Variants in CRMP1 observed in about 807,000 individuals in gnomAD.
The protein encoded by CRMP1 is collapsin response mediator protein 1, also known as dihydropyrimidinase-related protein 1.
Under a neutral mutation model 68.3 loss-of-function variants are expected in CRMP1, and 19 were observed. The ratio of observed to expected loss-of-function variants is 0.28; its 90% CI spans 0.19 to 0.41. The LOEUF is 0.41. Ranked by LOEUF, CRMP1 falls within the 10% of genes least tolerant of loss-of-function variation. The probability of loss-of-function intolerance (pLI) is 1.00; values close to 1 mark genes in which losing one functional copy is unlikely to be tolerated. For missense variants in CRMP1, 791 were observed against 967.4 expected (o/e 0.82, Z 2.42); for synonymous variants, 439 against 399.6 (o/e 1.10, Z -1.18).
At position 5,843,771 on chromosome 4, in the gene CRMP1, A is replaced by G. The variant is rs927688831; in HGVS notation, c.964-610T>C. 6.6e-6 allele frequency among the ~76,000 whole-genome samples: 1 copy of G among 152,136 alleles called. No homozygotes were observed. The highest frequency in any genetic ancestry group is 1.5e-5 in the Non-Finnish European group (1 of 68,026). Reference sequence around the variant, plus strand: ...GCACAAAACCTGGAGCTGAGCGAGCACACGCTCATTAATTGGCAGCCGGCT... The same window carrying G: ...GCACAAAACCTGGAGCTGAGCGAGCGCACGCTCATTAATTGGCAGCCGGCT... On this transcript the variant is annotated intron_variant, in intron 6 of 13. Transcript: ENST00000324989. This position sits in a 1 kb window ranked among gnomAD's most constrained non-coding sequence, Gnocchi z 4.1.
At chr4:5,831,825 A>G (rs558899703) in intron 11 of CRMP1, among the ~76,000 whole-genome samples, 3 of 152,350 alleles carry the variant, frequency 2.0e-5, no homozygotes, top group Admixed American at 2.0e-4. Flanking sequence ...AAAAATTTAA[A>G]CAACACAAAA....
intron 13 of CRMP1, among the ~76,000 whole-genome samples, chr4:5,822,681 T>TA (rs975836461): frequency 6.6e-6 from 1 of 152,144 alleles, no homozygotes. Flanking sequence ...GTGGGAAGGA[T>TA]AGAGTCCTTA....
chr4:5,825,250 C>T lies in CRMP1; in HGVS notation c.1969+244G>A. 3 of 985,274 alleles carry T rather than the reference C, an allele frequency of 3.0e-6. No homozygotes were observed. The highest frequency in any genetic ancestry group is 3.6e-6 in the Non-Finnish European group (3 of 829,900). The allele number at this position is 985,274 out of a possible 1,614,324, so 61.0% of individuals were successfully genotyped here. Reference sequence around the variant, plus strand: ...ATGAGCACTGGGACAATTTTGGTACCTCTCTTTGTAAACCCACATCAGGTA... The same window carrying T: ...ATGAGCACTGGGACAATTTTGGTACTTCTCTTTGTAAACCCACATCAGGTA... On this transcript the variant is annotated intron_variant, in intron 13 of 13. Transcript: ENST00000324989. This position sits in a 1 kb window ranked among gnomAD's most constrained non-coding sequence, Gnocchi z 4.4.
intron 11 of CRMP1, among the ~76,000 whole-genome samples, chr4:5,831,465 A>G (rs1321859190): frequency 6.6e-6 from 1 of 152,216 alleles, no homozygotes; most frequent in Admixed American, 6.5e-5. Context: ...CCAGGCAGAC[A>G]GTGCGTTTCC....
rs553949443 is a variant in CRMP1, at chr4:5,830,211, T to C, written c.1624-1543A>G. 1.7e-3 allele frequency among the ~76,000 whole-genome samples: 264 copies of C among 152,330 alleles called. 1 individual carries two copies. Among genetic ancestry groups the C allele is most frequent in the African/African-American group, 5.8e-3 (242 of 41,560 alleles). On this transcript the variant is annotated intron_variant, in intron 11 of 13. Coordinates refer to ENST00000324989, the MANE Select transcript of CRMP1 (RefSeq NM_001014809.3). Reference sequence around the variant, plus strand: ...GGGTCTTGGCATTCTTCTTACTGATTTCTAAAAGTACACACTCAATGTTAA... The same window carrying C: ...GGGTCTTGGCATTCTTCTTACTGATCTCTAAAAGTACACACTCAATGTTAA...
chr4:5,892,830 G>C lies in CRMP1; in HGVS notation c.140C>G (p.Thr47Ser). The C allele has an allele frequency of 1.4e-6, 2 of 1,410,950 alleles. No individual in the cohort carries two copies. Among genetic ancestry groups the C allele is most frequent in the Non-Finnish European group, 1.9e-6 (2 of 1,070,298 alleles). The allele number at this position is 1,410,950 out of a possible 1,614,324, so 87.4% of individuals were successfully genotyped here. Residue 47 changes from threonine (T) to serine (S), a missense_variant, in exon 1 of 14, where the codon ACC (threonine) becomes AGC (serine). Coordinates refer to ENST00000324989, the MANE Select transcript of CRMP1 (RefSeq NM_001014809.3). This position sits in a 1 kb window ranked among gnomAD's most constrained non-coding sequence, Gnocchi z 8.6. ...CACACTGTAGGCGTCGAAGTCGATG[G>C]TCTTGTTCTCGTAGGCGCCCTCCAC... ...AAVEGAYENK[T>S]IDFDAYSVGR...
Position 5,892,460 on chromosome 4 carries a change from C to A in CRMP1, c.381+129G>T. On this transcript the variant is annotated intron_variant, in intron 1 of 13. Transcript: ENST00000324989. The surrounding 1 kb of genome is among the most constrained non-coding windows in gnomAD (Gnocchi z 8.6). Reference sequence around the variant, plus strand: ...TGATGAGGTGGGGGAGGGGCCGCGCCGTGGCTCTCCCCAGCCTGGCGGCCG... The same window carrying A: ...TGATGAGGTGGGGGAGGGGCCGCGCAGTGGCTCTCCCCAGCCTGGCGGCCG... 3 of 949,336 alleles carry A rather than the reference C, an allele frequency of 3.2e-6. No individual in the cohort carries two copies. Among genetic ancestry groups the A allele is most frequent in the Non-Finnish European group, 4.0e-6 (3 of 758,356 alleles). The allele number at this position is 949,336 out of a possible 1,614,324, so 58.8% of individuals were successfully genotyped here.
Position 5,875,115 on chromosome 4 carries a change from T to G in CRMP1, c.382-8359A>C, listed in dbSNP as rs1330177986. On this transcript the variant is annotated intron_variant, in intron 1 of 13. Transcript: ENST00000324989. ...CGCTTTTGTTCTTTTTCACAAACAT[T>G]AAGCATTAGGTTGAGCTCTGCTTAC... Among the ~76,000 whole-genome samples the G allele has an allele frequency of 2.0e-5, 3 of 152,324 alleles. No individual in the cohort carries two copies. The East Asian group carries it at 5.8e-4, about 29-fold the overall frequency.
chr4:5,858,418 C>A lies in CRMP1; in HGVS notation c.656-2111G>T, dbSNP rs1320349510. Reference sequence around the variant, plus strand: ...ATGCAATACTCTCCCCACCCCGACCCCAGCTGTGGTGGACATCACCAACCA... The same window carrying A: ...ATGCAATACTCTCCCCACCCCGACCACAGCTGTGGTGGACATCACCAACCA... On this transcript the variant is annotated intron_variant, in intron 3 of 13. Transcript: ENST00000324989. This position sits in a 1 kb window ranked among gnomAD's most constrained non-coding sequence, Gnocchi z 5.5. 1.3e-5 allele frequency among the ~76,000 whole-genome samples: 2 copies of A among 152,052 alleles called. No homozygotes were observed. Among genetic ancestry groups the A allele is most frequent in the Non-Finnish European group, 2.9e-5 (2 of 68,020 alleles).
At chr4:5,856,982 A>G (rs1019707922) in intron 3 of CRMP1, among the ~76,000 whole-genome samples, 1 of 146,096 alleles carries the variant, frequency 6.8e-6, no homozygotes, top group African/African-American at 2.6e-5. Context: ...ACCACCATCC[A>G]CTGTTATCAC....
intron 12 of CRMP1, chr4:5,826,674 C>T (rs945016551): frequency 1.3e-5 from 2 of 152,328 alleles, no homozygotes; most frequent in Non-Finnish European, 2.9e-5. Flanking sequence ...TGGAGAACAG[C>T]ATGTGTTCAG....
intron 1 of CRMP1, among the ~76,000 whole-genome samples, chr4:5,882,191 G>A (rs1715264891): frequency 6.6e-6 from 1 of 152,024 alleles, no homozygotes; most frequent in Non-Finnish European, 1.5e-5. Context: ...CATACAACTT[G>A]CTTTGGCCAG....
chr4:5,870,396 G>A lies in CRMP1; in HGVS notation c.382-3640C>T, dbSNP rs1460673798. The stretch of plus-strand genomic sequence containing the variant: ...GCTTTGGTGTGTTACCCCACTGGCA[G>A]TGCAGGACACAACTCCCCAGGGGAC... On this transcript the variant is annotated intron_variant, in intron 1 of 13. Transcript: ENST00000324989. This position sits in a 1 kb window ranked among gnomAD's most constrained non-coding sequence, Gnocchi z 6.0. Among the ~76,000 whole-genome samples the A allele has an allele frequency of 6.6e-6, 1 of 152,262 alleles. No individual in the cohort carries two copies. The highest frequency in any genetic ancestry group is 1.5e-5 in the Non-Finnish European group (1 of 68,044).
At chr4:5,884,585 C>G (rs141180591) in intron 1 of CRMP1, among the ~76,000 whole-genome samples, 1 of 152,128 alleles carries the variant, frequency 6.6e-6, no homozygotes, top group African/African-American at 2.4e-5. Context: ...AATGAAGAAC[C>G]TTTACAAGCC....
At chr4:5,873,435 T>C (rs1408562293) in intron 1 of CRMP1, among the ~76,000 whole-genome samples, 1 of 151,594 alleles carries the variant, frequency 6.6e-6, no homozygotes, top group African/African-American at 2.4e-5. Flanking sequence ...CTGCAGGCTG[T>C]ACAGGAAGCA....
intron 9 of CRMP1, 27 bp downstream of exon 9, chr4:5,839,495 C>A (rs778046173): frequency 6.3e-7 from 1 of 1,586,744 alleles, no homozygotes; most frequent in South Asian, 1.2e-5. Flanking sequence ...GCTGCCTCCC[C>A]CAGCCCCACG....
Position 5,841,511 on chromosome 4 carries a change from G to A in CRMP1, c.1033-83C>T. 9.5e-6 allele frequency: 15 copies of A among 1,576,018 alleles called. No homozygotes were observed. The highest frequency in any genetic ancestry group is 1.3e-5 in the Non-Finnish European group (15 of 1,156,706). On this transcript the variant is annotated intron_variant, in intron 7 of 13. Coordinates refer to ENST00000324989, the MANE Select transcript of CRMP1 (RefSeq NM_001014809.3). This position sits in a 1 kb window ranked among gnomAD's most constrained non-coding sequence, Gnocchi z 6.9. ...ATCTCCATTTTCCTTAATTGAATGT[G>A]ATCAGAAGGGAAATCTGCTCCATTG... is the stretch of plus-strand genomic sequence containing the variant.
At position 5,872,670 on chromosome 4, in the gene CRMP1, G is replaced by A. The variant is rs575623620; in HGVS notation, c.382-5914C>T. ...CCGCTGCAGTCCAGCCTGGGCAACAGAGCGAGACTCCATCTCAAAAAACAA... is the reference window on the plus strand; with the variant it reads ...CCGCTGCAGTCCAGCCTGGGCAACAAAGCGAGACTCCATCTCAAAAAACAA... On this transcript the variant is annotated intron_variant, in intron 1 of 13. Transcript: ENST00000324989. This position sits in a 1 kb window ranked among gnomAD's most constrained non-coding sequence, Gnocchi z 4.6. 3.3e-5 allele frequency among the ~76,000 whole-genome samples: 5 copies of A among 152,242 alleles called. No individual in the cohort carries two copies. Among genetic ancestry groups the A allele is most frequent in the African/African-American group, 4.8e-5 (2 of 41,468 alleles).
At position 5,854,272 on chromosome 4, in the gene CRMP1, T is replaced by C. The variant is rs1200578977; in HGVS notation, c.820+1871A>G. On this transcript the variant is annotated intron_variant, in intron 4 of 13. Transcript: ENST00000324989. This position sits in a 1 kb window ranked among gnomAD's most constrained non-coding sequence, Gnocchi z 4.0. The stretch of plus-strand genomic sequence containing the variant: ...GATAATGCCTTTTTCTTTTAAAAGA[T>C]AGGGTCTCACTCTATGAGCCAGGCT... Among the ~76,000 whole-genome samples the C allele has an allele frequency of 2.0e-5, 3 of 152,054 alleles. No individual in the cohort carries two copies. Among genetic ancestry groups the C allele is most frequent in the African/African-American group, 7.2e-5 (3 of 41,400 alleles).
Sources: gnomAD v4.1 joint callset for allele counts (sites outside exome capture counted in the v4.1 genomes callset) on GRCh38, gnomAD v4.1.1 for gene constraint, Gnocchi (gnomAD v3.1) non-coding constraint, MANE v1.5 for transcripts, NCBI Gene and HGNC (gene_info 2026-07-23, HGNC 2026-07-21) for gene names.